Variants in PTPRD observed in about 807,000 individuals in gnomAD.
The protein encoded by PTPRD is receptor-type tyrosine-protein phosphatase delta.
In PTPRD, 34 loss-of-function variants were observed where a neutral mutation model predicts 214.5. That is an observed-to-expected ratio of 0.16 (90% CI 0.12 to 0.21). The LOEUF (loss-of-function observed/expected upper bound fraction) is 0.21. Ranked by LOEUF, PTPRD falls within the 10% of genes least tolerant of loss-of-function variation. The pLI is 1.00. For missense variants in PTPRD, 2,545 were observed against 2,398.7 expected (o/e 1.06, Z -1.27); for synonymous variants, 1,128 against 845.7 (o/e 1.33, Z -5.79).
intron 3 of PTPRD, among the ~76,000 whole-genome samples, chr9:10,062,745 AT>A (rs543100584): frequency 3.3e-3 from 499 of 151,790 alleles, no homozygotes; most frequent in African/African-American, 0.011. Context: ...CATCTTTCAC[AT>A]TTTTTTTCCC....
intron 4 of PTPRD, among the ~76,000 whole-genome samples, chr9:10,027,609 T>C (rs1279427955): frequency 6.6e-6 from 1 of 152,216 alleles, no homozygotes; most frequent in Non-Finnish European, 1.5e-5. Flanking sequence ...TAACAATATA[T>C]GGCACATAAG....
intron 2 of PTPRD, among the ~76,000 whole-genome samples, chr9:10,367,988 C>T (rs538689268): frequency 6.6e-6 from 1 of 152,136 alleles, no homozygotes; most frequent in East Asian, 1.9e-4. Flanking sequence ...TTATTAATTA[C>T]TATCATTTTT....
intron 43 of PTPRD, among the ~76,000 whole-genome samples, chr9:8,333,050 T>A (rs1843051602): frequency 6.6e-6 from 1 of 152,206 alleles, no homozygotes; most frequent in Non-Finnish European, 1.5e-5. Context: ...CCTCGCCTGG[T>A]GGTTTTCACA....
intron 10 of PTPRD, among the ~76,000 whole-genome samples, chr9:9,129,427 G>A (rs377571316): frequency 2.6e-4 from 39 of 151,968 alleles, no homozygotes; most frequent in Non-Finnish European, 1.6e-4. Flanking sequence ...TATTCGATTC[G>A]TGTAACTCAG....
At chr9:9,763,718 T>G (rs1451427678) in intron 6 of PTPRD, among the ~76,000 whole-genome samples, 1 of 152,142 alleles carries the variant, frequency 6.6e-6, no homozygotes, top group East Asian at 1.9e-4. Flanking sequence ...ACTATCATTG[T>G]TTGACTTCAG....
intron 10 of PTPRD, among the ~76,000 whole-genome samples, chr9:9,088,263 C>T (rs1277723207): frequency 6.6e-6 from 1 of 150,944 alleles, no homozygotes; most frequent in Non-Finnish European, 1.5e-5. Context: ...ATTTTAAAAG[C>T]TGTTAAGGAA....
At chr9:10,470,628 G>A (rs923133250) in intron 2 of PTPRD, among the ~76,000 whole-genome samples, 1 of 152,036 alleles carries the variant, frequency 6.6e-6, no homozygotes, top group African/African-American at 2.4e-5. Flanking sequence ...CCTCTGCATT[G>A]TAGGTTATTT....
chr9:9,044,846 C>A (rs2099667202), intron 10 of PTPRD, among the ~76,000 whole-genome samples: 1 of 152,178 alleles, frequency 6.6e-6, no homozygotes, highest in East Asian at 1.9e-4. Flanking sequence ...TTGAGAGAAC[C>A]AATGAAATAG....
chr9:9,636,638 T>C (rs185202224), intron 7 of PTPRD, among the ~76,000 whole-genome samples: 1 of 152,294 alleles, frequency 6.6e-6, no homozygotes, highest in Admixed American at 6.5e-5. Context: ...TGTGTTTGGG[T>C]ATAGTCTCTG....
chr9:8,606,673 C>A (rs1292651208), intron 14 of PTPRD, among the ~76,000 whole-genome samples: 2 of 152,150 alleles, frequency 1.3e-5, no homozygotes, highest in African/African-American at 4.8e-5. Context: ...AACACCTCCA[C>A]CCCTTCTGCA....
chr9:9,512,550 T>A (rs918422514), intron 8 of PTPRD, among the ~76,000 whole-genome samples: 1 of 151,866 alleles, frequency 6.6e-6, no homozygotes, highest in Non-Finnish European at 1.5e-5. Flanking sequence ...CGCTTTCCAA[T>A]CAAAAACGTT....
chr9:9,066,096 G>A (rs2099730917), intron 10 of PTPRD, among the ~76,000 whole-genome samples: 1 of 151,732 alleles, frequency 6.6e-6, no homozygotes, highest in African/African-American at 2.4e-5. Context: ...TATGGTTGTT[G>A]CAACTGCATT....
intron 8 of PTPRD, among the ~76,000 whole-genome samples, chr9:9,520,445 C>T (rs2096941277): frequency 6.6e-6 from 1 of 151,866 alleles, no homozygotes; most frequent in Admixed American, 6.6e-5. Context: ...AATACATCTC[C>T]ATTAAACTGA....
chr9:9,729,746 T>C (rs1334982869), intron 7 of PTPRD, among the ~76,000 whole-genome samples: 1 of 151,618 alleles, frequency 6.6e-6, no homozygotes, highest in Non-Finnish European at 1.5e-5. Context: ...TCAAATGGTT[T>C]GCAACAAAAA....
intron 12 of PTPRD, among the ~76,000 whole-genome samples, chr9:8,673,089 A>T (rs1278138626): frequency 2.0e-5 from 3 of 152,006 alleles, no homozygotes; most frequent in African/African-American, 7.2e-5. Flanking sequence ...ATCCTTACAC[A>T]TCTTACCATA....
At chr9:9,110,439 G>A (rs891013178) in intron 10 of PTPRD, among the ~76,000 whole-genome samples, 8 of 152,114 alleles carry the variant, frequency 5.3e-5, no homozygotes, top group Non-Finnish European at 1.2e-4. Context: ...TGCACACAAA[G>A]TCTGAGAGCC....
chr9:10,418,023 A>C (rs527504056), intron 2 of PTPRD, among the ~76,000 whole-genome samples: 4 of 152,014 alleles, frequency 2.6e-5, no homozygotes, highest in Non-Finnish European at 4.4e-5. Context: ...AAAAAAAGGA[A>C]GAAAAAATGG....
chr9:9,177,366 T>G (rs1014368920), intron 10 of PTPRD, among the ~76,000 whole-genome samples: 1 of 152,044 alleles, frequency 6.6e-6, no homozygotes, highest in Non-Finnish European at 1.5e-5. Context: ...CAGATGAGAT[T>G]TGGGTGGGGA....
intron 3 of PTPRD, among the ~76,000 whole-genome samples, chr9:10,176,082 A>G (rs954009853): frequency 6.6e-6 from 1 of 152,036 alleles, no homozygotes; most frequent in East Asian, 1.9e-4. Context: ...GAAAATGGTC[A>G]TAAAAGCAAA....
Sources: allele counts gnomAD v4.1 joint callset (sites outside exome capture counted in the v4.1 genomes callset), GRCh38; gene constraint gnomAD v4.1.1; transcripts MANE v1.5; gene names NCBI Gene and HGNC (gene_info 2026-07-23, HGNC 2026-07-21).